Variants in CPOX observed in about 807,000 individuals in gnomAD.
CPOX encodes the protein coproporphyrinogen oxidase, also known as oxygen-dependent coproporphyrinogen-III oxidase, mitochondrial.
A neutral mutation model predicts 48.9 loss-of-function variants in CPOX; 24 were observed. The observed-to-expected ratio is 0.49, with a 90% CI of 0.36 to 0.69. The LOEUF (loss-of-function observed/expected upper bound fraction) is 0.69. CPOX is among the 30% of genes least tolerant of loss of function. The pLI, the probability that CPOX is intolerant of heterozygous loss-of-function variation, is 0.00. For synonymous variants in CPOX, 249 were observed against 234.6 expected, an observed-to-expected ratio of 1.06 and a Z score of -0.56; for missense variants, 549 against 597.3, an observed-to-expected ratio of 0.92 and a Z score of 0.84.
At chr3:98,570,960 G>A in the CPOX span, among the ~76,000 whole-genome samples, 6 of 152,200 alleles carry the variant, frequency 3.9e-5, no homozygotes, top group Admixed American at 1.3e-4. Flanking sequence ...CACATTGCAT[G>A]TATTGTTCTG....
chr3:98,580,324 G>C lies in CPOX; in HGVS notation c.*359C>G. The C allele has an allele frequency of 9.9e-7, 1 of 1,009,580 alleles. No individual in the cohort carries two copies. The highest frequency in any genetic ancestry group is 1.2e-6 in the Non-Finnish European group (1 of 844,360). The allele number at this position is 1,009,580 out of a possible 1,614,324, so 62.5% of individuals were successfully genotyped here. The stretch of plus-strand genomic sequence containing the variant: ...CACGACAGATTTTTGTGGCACAAAT[G>C]AAAACTTTAAAAAATACATGAAACA... On this transcript the variant is annotated 3_prime_UTR_variant, in exon 7 of 7. Coordinates refer to ENST00000647941, the MANE Select transcript of CPOX (RefSeq NM_000097.7).
chr3:98,584,881 C>T (rs961605215), intron 5 of CPOX, among the ~76,000 whole-genome samples: 1 of 152,168 alleles, frequency 6.6e-6, no homozygotes, highest in Non-Finnish European at 1.5e-5. Flanking sequence ...GTTTTGAGGT[C>T]ATTTTGACCC....
At chr3:98,576,292 A>G (rs563535473), downstream of CPOX, among the ~76,000 whole-genome samples, 4 of 152,338 alleles carry the variant, frequency 2.6e-5, no homozygotes, top group East Asian at 7.7e-4. Flanking sequence ...ACAAGGCAGC[A>G]GGAAGGAGAA....
In CPOX at chr3:98,593,528, A is replaced by C; in HGVS notation, c.-24T>G. 6.6e-7 allele frequency: 1 copy of C among 1,516,546 alleles called. No homozygotes were observed. The highest frequency in any genetic ancestry group is 8.8e-7 in the Non-Finnish European group (1 of 1,138,256). 93.9% of individuals were successfully genotyped at this position (1,516,546 alleles called of 1,614,324 possible). Reference sequence around the variant, plus strand: ...ATGTTCCCGCACTATCACCTGGAGCAGTGCCTGCGTCCCAGAGCCCTGCGT... The same window carrying C: ...ATGTTCCCGCACTATCACCTGGAGCCGTGCCTGCGTCCCAGAGCCCTGCGT... On this transcript the variant is annotated 5_prime_UTR_variant, in exon 1 of 7. Coordinates refer to ENST00000647941, the MANE Select transcript of CPOX (RefSeq NM_000097.7).
rs180723728 is a variant in CPOX at position 98,582,087 on chromosome 3, C to A, written c.1173-576G>T. Among the ~76,000 whole-genome samples, 72 of 152,306 alleles carry A rather than the reference C, an allele frequency of 4.7e-4. 2 individuals are homozygous for A. Among genetic ancestry groups the A allele is most frequent in the African/African-American group, 1.6e-3 (68 of 41,568 alleles). On this transcript the variant is annotated intron_variant, in intron 5 of 6. Coordinates refer to ENST00000647941, the MANE Select transcript of CPOX (RefSeq NM_000097.7). The stretch of plus-strand genomic sequence containing the variant: ...GCAGTCATATAATTCAGTCTCTCTG[C>A]AGATTAATAGCAATCATAATAAAAG...
At chr3:98,589,072 C>A (rs1346326269) in intron 3 of CPOX, among the ~76,000 whole-genome samples, 1 of 152,206 alleles carries the variant, frequency 6.6e-6, no homozygotes, top group Non-Finnish European at 1.5e-5. Flanking sequence ...GTAATCCCAG[C>A]ACTTTGGGAG....
chr3:98,575,312 T>C (rs1189042371), downstream of CPOX, among the ~76,000 whole-genome samples: 1 of 152,232 alleles, frequency 6.6e-6, no homozygotes, highest in African/African-American at 2.4e-5. Context: ...CCATGATGGC[T>C]TGGATTATGA....
At chr3:98,584,004 A>C (rs1341142370) in intron 5 of CPOX, among the ~76,000 whole-genome samples, 3 of 152,224 alleles carry the variant, frequency 2.0e-5, no homozygotes, top group Non-Finnish European at 2.9e-5. Context: ...TCATGACACC[A>C]GACATGCAAT....
chr3:98,572,686 T>C, the CPOX span, among the ~76,000 whole-genome samples: 6 of 152,218 alleles, frequency 3.9e-5, no homozygotes, highest in Admixed American at 3.9e-4. Flanking sequence ...CAGTGTCCAT[T>C]AGTTTTCTCT....
chr3:98,579,058 T>C (rs1474164851), downstream of CPOX, among the ~76,000 whole-genome samples: 3 of 152,226 alleles, frequency 2.0e-5, no homozygotes, highest in African/African-American at 7.2e-5. Flanking sequence ...CTCTTCCTCT[T>C]ACTACTCCCA....
chr3:98,581,799 A>C (rs1451800686), intron 5 of CPOX, among the ~76,000 whole-genome samples: 29 of 152,258 alleles, frequency 1.9e-4, no homozygotes, highest in Non-Finnish European at 5.9e-5. Flanking sequence ...CACAAAGCTG[A>C]GAAGTTTAAA....
intron 1 of CPOX, 64 bp downstream of exon 1, chr3:98,592,885 C>G (rs951569429): frequency 6.5e-7 from 1 of 1,533,676 alleles, no homozygotes; most frequent in African/African-American, 1.4e-5. Context: ...TATTTTCTGT[C>G]TGCAACCTGG....
intron 3 of CPOX, among the ~76,000 whole-genome samples, chr3:98,589,280 C>G (rs902304977): frequency 1.3e-5 from 2 of 152,118 alleles, no homozygotes; most frequent in African/African-American, 4.8e-5. Flanking sequence ...GATAGCGCCA[C>G]TGCACTCCAG....
Position 98,579,791 on chromosome 3 carries a change from T to C in CPOX, c.*892A>G. ...AAATGCCTCCAAGTTTCTCATACTA[T>C]ATATACTTGCTTTAAAGAAGGAAAT... On this transcript the variant is annotated 3_prime_UTR_variant, in exon 7 of 7. Transcript: ENST00000647941. 1 of 985,324 alleles carries C rather than the reference T, an allele frequency of 1.0e-6. No individual in the cohort carries two copies. The highest frequency in any genetic ancestry group is 1.2e-6 in the Non-Finnish European group (1 of 829,422). 61.0% of individuals were successfully genotyped at this position (985,324 alleles called of 1,614,324 possible).
At position 98,593,130 on chromosome 3, in the gene CPOX, G is replaced by A. The variant is rs758930568; in HGVS notation, c.375C>T (p.His125=). The part of the protein sequence containing the change: ...RPEEEEDELA[H]RCSSFMAPPV... ...GCGGGGCCATGAAGCTGCTGCAGCG[G>A]TGGGCCAGCTCATCCTCCTCCTCCT... The change falls in exon 1 of 7, where the codon CAC becomes CAT. Residue 125 remains histidine, a synonymous_variant. Coordinates refer to ENST00000647941, the MANE Select transcript of CPOX (RefSeq NM_000097.7). The A allele has an allele frequency of 6.2e-7, 1 of 1,613,336 alleles. No individual in the cohort carries two copies. Among genetic ancestry groups the A allele is most frequent in the South Asian group, 1.1e-5 (1 of 91,006 alleles).
In CPOX at chr3:98,579,612, C is replaced by A; in HGVS notation, c.*1071G>T. The A allele has an allele frequency of 1.0e-6, 1 of 983,434 alleles. No individual in the cohort carries two copies. The allele number at this position is 983,434 out of a possible 1,614,324, so 60.9% of individuals were successfully genotyped here. ...CTTCCTTATAAACTTTATTACGAAG[C>A]AAATAAAATAATACATTCATAATAT... On this transcript the variant is annotated 3_prime_UTR_variant, in exon 7 of 7. Transcript: ENST00000647941.
chr3:98,593,177 C>T lies in CPOX; in HGVS notation c.328G>A (p.Ala110Thr). Residue 110 changes from alanine (A) to threonine (T), a missense_variant, in exon 1 of 7, where the codon GCC becomes ACC. Around this residue, in one of 2 missense-constraint regions of CPOX, gnomAD observed 336 missense variants for 318.1 expected, o/e 1.06. Transcript: ENST00000647941. ...EMLPKTSGTRATSLGRPEEEE... is the reference protein window; with the variant it reads ...EMLPKTSGTRTTSLGRPEEEE... ...TCCTCCGGCCTCCCCAGCGAAGTGG[C>T]CCGCGTCCCCGAGGTCTTAGGCAAC... is the stretch of plus-strand genomic sequence containing the variant. 1 of 1,609,040 alleles carries T rather than the reference C, an allele frequency of 6.2e-7. No homozygotes were observed. Among genetic ancestry groups the T allele is most frequent in the South Asian group, 1.1e-5 (1 of 90,652 alleles).
At chr3:98,585,880 T>TC in intron 4 of CPOX, 5 of 330,568 alleles carry the variant, frequency 1.5e-5, no homozygotes, top group African/African-American at 2.3e-5. Context: ...TTTTCTTTTC[T>TC]TTTTTTTTTT....
the CPOX span, among the ~76,000 whole-genome samples, chr3:98,571,388 G>A: frequency 6.6e-6 from 1 of 152,070 alleles, no homozygotes; most frequent in African/African-American, 2.4e-5. Context: ...AAATATTTAA[G>A]GCTTTAAGAA....
Sources: allele counts gnomAD v4.1 joint callset (sites outside exome capture counted in the v4.1 genomes callset), GRCh38; gene constraint gnomAD v4.1.1; regional missense constraint gnomAD v4.1.1; transcripts MANE v1.5; gene names NCBI Gene and HGNC (gene_info 2026-07-23, HGNC 2026-07-21).